USP32: variants seen among roughly 807,000 people sequenced by gnomAD.
USP32 encodes the protein ubiquitin carboxyl-terminal hydrolase 32.
Under a neutral mutation model 204.8 loss-of-function variants are expected in USP32, and 59 were observed. The ratio of observed to expected loss-of-function variants is 0.29; its 90% CI spans 0.23 to 0.36. The LOEUF (loss-of-function observed/expected upper bound fraction) is 0.36. USP32 is among the 10% of genes least tolerant of loss of function. USP32 has a pLI of 1.00. For synonymous variants in USP32, 517 were observed against 678.4 expected (o/e 0.76, Z 3.70); for missense variants, 1,160 against 1,946.4 (o/e 0.60, Z 7.60).
intron 27 of USP32, 32 bp from the exon 28 acceptor site, chr17:60,192,962 A>C (rs368709624): frequency 3.8e-4 from 616 of 1,611,022 alleles, no homozygotes; most frequent in Middle Eastern, 6.6e-4. Flanking sequence ...AGAGTGTAAG[A>C]AGCATTTCTG....
At chr17:60,182,916 G>C (rs1367985141) in intron 31 of USP32, among the ~76,000 whole-genome samples, 1 of 152,244 alleles carries the variant, frequency 6.6e-6, no homozygotes, top group Non-Finnish European at 1.5e-5. Context: ...ACTGTGTGAA[G>C]TGCTTTACTC....
chr17:60,342,523 C>CT (rs1387733006), intron 2 of USP32, among the ~76,000 whole-genome samples: 1 of 152,236 alleles, frequency 6.6e-6, no homozygotes, highest in Non-Finnish European at 1.5e-5. Flanking sequence ...CAGCTATGCC[C>CT]TGCCCACAGA....
chr17:60,226,317 AT>A (rs1213012626), intron 12 of USP32, 86 bp from the exon 13 acceptor site: 18 of 1,272,502 alleles, frequency 1.4e-5, no homozygotes, highest in East Asian at 2.8e-5. Context: ...ACAATTATCT[AT>A]TTTTTTAAGT....
chr17:60,194,565 T>C (rs1473873824), intron 27 of USP32, among the ~76,000 whole-genome samples: 2 of 152,224 alleles, frequency 1.3e-5, no homozygotes, highest in Non-Finnish European at 2.9e-5. Context: ...CACTGTGTTT[T>C]TTCTCCACCA....
chr17:60,216,507 A>T (rs1005689781), intron 16 of USP32, among the ~76,000 whole-genome samples: 1 of 152,222 alleles, frequency 6.6e-6, no homozygotes, highest in African/African-American at 2.4e-5. Context: ...GCTTTTAATG[A>T]GTCTTCCCCA....
chr17:60,392,232 T>C, upstream of USP32: 6 of 284,686 alleles, frequency 2.1e-5, no homozygotes, highest in East Asian at 1.2e-4. Context: ...TCTTGCCACT[T>C]CCGCCCCCTC....
At chr17:60,264,231 A>T (rs539173693) in intron 9 of USP32, among the ~76,000 whole-genome samples, 2 of 152,086 alleles carry the variant, frequency 1.3e-5, no homozygotes, top group South Asian at 2.1e-4. Flanking sequence ...ATTTAAAAAA[A>T]TTTTTTAGGC....
At chr17:60,378,196 T>C (rs9916200) in intron 1 of USP32, among the ~76,000 whole-genome samples, 21,243 of 152,000 alleles carry the variant, frequency 0.14, 3,207 homozygotes, top group African/African-American at 0.37. Context: ...ATTAAAAAAA[T>C]GCTCATTAGC....
chr17:60,405,779 TTAAA>T (rs1170867226), intron 1 of USP32, among the ~76,000 whole-genome samples: 3 of 152,164 alleles, frequency 2.0e-5, no homozygotes, highest in Non-Finnish European at 4.4e-5. Flanking sequence ...TAAAATAAAA[TTAAA>T]TAAATAAATA....
chr17:60,243,843 T>C (rs780601178), intron 11 of USP32, among the ~76,000 whole-genome samples: 24 of 152,242 alleles, frequency 1.6e-4, no homozygotes, highest in African/African-American at 5.8e-4. Flanking sequence ...GGTGCATATA[T>C]CATCATTTAT....
At chr17:60,409,050 C>A (rs532597749) in intron 1 of USP32, among the ~76,000 whole-genome samples, 35 of 152,120 alleles carry the variant, frequency 2.3e-4, no homozygotes, top group Non-Finnish European at 4.9e-4. Context: ...AGCTGACTCA[C>A]AGTAAAACTT....
rs556298915 is a variant in USP32, at chr17:60,303,316, C to T, written c.187-1612G>A. 6.6e-4 allele frequency among the ~76,000 whole-genome samples: 100 copies of T among 152,066 alleles called. 1 individual carries two copies. Among genetic ancestry groups the T allele is most frequent in the Non-Finnish European group, 9.9e-4 (67 of 67,978 alleles). ...GGGGAAGGGCAGGAAAACATAATGG[C>T]CCCAGACCTTACAGATCCCCTATCA... On this transcript the variant is annotated intron_variant, in intron 2 of 33. Transcript: ENST00000300896.
chr17:60,300,463 C>G (rs1270301126), intron 3 of USP32, among the ~76,000 whole-genome samples: 1 of 152,052 alleles, frequency 6.6e-6, no homozygotes, highest in East Asian at 1.9e-4. Flanking sequence ...CCCTGATCAG[C>G]AGGATTTAAA....
intron 11 of USP32, among the ~76,000 whole-genome samples, chr17:60,248,247 T>C (rs2086085511): frequency 6.6e-6 from 1 of 152,242 alleles, no homozygotes; most frequent in Non-Finnish European, 1.5e-5. Context: ...TTTATCACAT[T>C]GTGGTTCCCT....
intron 1 of USP32, among the ~76,000 whole-genome samples, chr17:60,402,245 TC>T (rs1233252994): frequency 7.0e-6 from 1 of 143,678 alleles, no homozygotes; most frequent in Non-Finnish European, 1.5e-5. Flanking sequence ...CCCTCATTTA[TC>T]TTTTTTTTTT....
intron 2 of USP32, among the ~76,000 whole-genome samples, chr17:60,322,249 G>A (rs918648050): frequency 3.3e-5 from 5 of 151,930 alleles, no homozygotes; most frequent in Non-Finnish European, 7.4e-5. Flanking sequence ...AGGCTCAAGG[G>A]ATCCTCCCAC....
intron 26 of USP32, 83 bp from the exon 27 acceptor site, chr17:60,198,527 G>T: frequency 6.7e-7 from 1 of 1,498,264 alleles, no homozygotes; most frequent in Non-Finnish European, 9.1e-7. Context: ...GCCTGCCAAT[G>T]ACAGGCACTA....
intron 28 of USP32, among the ~76,000 whole-genome samples, chr17:60,192,085 A>G (rs974630919): frequency 3.3e-5 from 5 of 151,984 alleles, no homozygotes; most frequent in Non-Finnish European, 5.9e-5. Context: ...ACCTGAGGTC[A>G]GGAGTTTGAG....
At chr17:60,317,803 T>C (rs2088018722) in intron 2 of USP32, among the ~76,000 whole-genome samples, 1 of 151,994 alleles carries the variant, frequency 6.6e-6, no homozygotes, top group South Asian at 2.1e-4. Flanking sequence ...CTGGCCAAAA[T>C]GGTAAAAACC....
Sources: gnomAD v4.1 joint callset for allele counts (sites outside exome capture counted in the v4.1 genomes callset) on GRCh38, gnomAD v4.1.1 for gene constraint, MANE v1.5 for transcripts, NCBI Gene and HGNC (gene_info 2026-07-23, HGNC 2026-07-21) for gene names.